Variants in CRYGN observed in about 807,000 individuals in gnomAD.
CRYGN encodes the protein crystallin gamma N.
A neutral mutation model predicts 19.2 loss-of-function variants in CRYGN; 17 were observed. The observed-to-expected ratio is 0.89, with a 90% CI of 0.61 to 1.33. The LOEUF (loss-of-function observed/expected upper bound fraction) is 1.33, where lower values mean the gene tolerates loss of function less well. Ranked by LOEUF, CRYGN falls within the 40% of genes most tolerant of loss-of-function variation. The pLI is 0.00. For missense variants in CRYGN, 239 were observed against 239.6 expected, an observed-to-expected ratio of 1.00 and a Z score of 0.02; for synonymous variants, 84 against 85.8, an observed-to-expected ratio of 0.98 and a Z score of 0.12.
In CRYGN at chr7:151,436,031, G is replaced by A; in HGVS notation, c.416+149C>T. 2.0e-6 allele frequency: 1 copy of A among 512,160 alleles called. No homozygotes were observed. Among genetic ancestry groups the A allele is most frequent in the Non-Finnish European group, 3.0e-6 (1 of 328,180 alleles). 31.7% of individuals were successfully genotyped at this position (512,160 alleles called of 1,614,324 possible). A position where few individuals can be genotyped will look rare whatever the true frequency, so the allele number is the denominator to read the frequency against. ...GCAGGTGAGGCAGCTGAGGAAAGGA[G>A]AGGGCCTGTGGGGCCAGGGACACGC... On this transcript the variant is annotated intron_variant, in intron 3 of 3. Transcript: ENST00000337323. This position sits in a 1 kb window ranked among gnomAD's most constrained non-coding sequence, Gnocchi z 5.1.
chr7:151,436,357 GGAGGTT>G lies in CRYGN; in HGVS notation c.271-38_271-33del. The G allele has an allele frequency of 1.4e-6, 2 of 1,446,160 alleles. No homozygotes were observed. Among genetic ancestry groups the G allele is most frequent in the Non-Finnish European group, 1.9e-6 (2 of 1,077,694 alleles). The allele number at this position is 1,446,160 out of a possible 1,614,324, so 89.6% of individuals were successfully genotyped here. A position where few individuals can be genotyped will look rare whatever the true frequency, so the allele number is the denominator to read the frequency against. Reference sequence around the variant, plus strand: ...GACCAAGCAAAAAAGAAGGAAAGAAGGAGGTTGCTGTGAATTCCCCTCTCCCAGAAA... The same window carrying G: ...GACCAAGCAAAAAAGAAGGAAAGAAGGCTGTGAATTCCCCTCTCCCAGAAA... On this transcript the variant is annotated intron_variant, in intron 2 of 3. Coordinates refer to ENST00000337323, the MANE Select transcript of CRYGN (RefSeq NM_144727.3). This position sits in a 1 kb window ranked among gnomAD's most constrained non-coding sequence, Gnocchi z 5.1.
At chr7:151,440,206 T>A, upstream of CRYGN, 1 of 824,344 alleles carries the variant, frequency 1.2e-6, no homozygotes, top group Non-Finnish European at 1.7e-6. Context: ...TGCCCTGCCC[T>A]GGAGTGGTGG....
Position 151,435,591 on chromosome 7 carries a change from C to A in CRYGN, c.416+589G>T, listed in dbSNP as rs1025445185. ...AACCCATCTGGGCCTGGGCAAAATT[C>A]CCCCAGCTACTTTCTGTCCAGGAGT... is the stretch of plus-strand genomic sequence containing the variant. On this transcript the variant is annotated intron_variant, in intron 3 of 3. Coordinates refer to ENST00000337323, the MANE Select transcript of CRYGN (RefSeq NM_144727.3). This position sits in a 1 kb window ranked among gnomAD's most constrained non-coding sequence, Gnocchi z 4.2. 7.2e-5 allele frequency among the ~76,000 whole-genome samples: 11 copies of A among 152,078 alleles called. No individual in the cohort carries two copies. Among genetic ancestry groups the A allele is most frequent in the Admixed American group, 6.5e-4 (10 of 15,272 alleles).
rs1247088605 is a variant in CRYGN at position 151,436,318 on chromosome 7, T to C, written c.278A>G (p.Glu93Gly). The C allele has an allele frequency of 2.5e-6, 4 of 1,570,756 alleles. No homozygotes were observed. In the African/African-American group the frequency reaches 5.5e-5, roughly 21 times the overall value. Reference protein sequence around the residue: ...GSCRPVGMHGEHFRLEIFEGC... With the variant: ...GSCRPVGMHGGHFRLEIFEGC... Reference sequence around the variant, plus strand: ...CTCGAAGATTTCTAGGCGGAAATGTTCTCCGTGCTCCAAGACCAAGCAAAA... The same window carrying C: ...CTCGAAGATTTCTAGGCGGAAATGTCCTCCGTGCTCCAAGACCAAGCAAAA... The change falls in exon 3 of 4, where the codon GAA becomes GGA. Residue 93 changes from glutamate to glycine, a missense_variant. Glu to Gly is a moderately conservative substitution (Grantham distance 98). Transcript: ENST00000337323. The surrounding 1 kb of genome is among the most constrained non-coding windows in gnomAD (Gnocchi z 5.1).
chr7:151,429,855 G>A lies in CRYGN; in HGVS notation c.*193C>T, dbSNP rs1316557398. ...AAGGAGGCTGTGGGGTGGAGGGTTG[G>A]ACGGCTGTTTCAGAAGAGACAGGGC... is the stretch of plus-strand genomic sequence containing the variant. On this transcript the variant is annotated 3_prime_UTR_variant, in exon 4 of 4. Transcript: ENST00000337323. The A allele has an allele frequency of 3.3e-6, 2 of 605,502 alleles. No homozygotes were observed. The highest frequency in any genetic ancestry group is 3.7e-5 in the African/African-American group (2 of 54,110). 37.5% of individuals were successfully genotyped at this position (605,502 alleles called of 1,614,324 possible).
chr7:151,434,767 A>G (rs1162240131), intron 3 of CRYGN, among the ~76,000 whole-genome samples: 1 of 152,222 alleles, frequency 6.6e-6, no homozygotes, highest in African/African-American at 2.4e-5. Flanking sequence ...TATATAACAA[A>G]GCCATTTCTC....
At chr7:151,432,046 C>T (rs1388434872) in intron 3 of CRYGN, 1 of 480,674 alleles carries the variant, frequency 2.1e-6, no homozygotes, top group Admixed American at 4.4e-5. Flanking sequence ...CGCCCGTTGG[C>T]TTTGAGGACT....
chr7:151,439,884 G>T lies in CRYGN; in HGVS notation c.21+13C>A. ...CCCCACTCGGTTTCCTTGGGGTTGA[G>T]GGACGCACTCACCTTCCCCGAGCGC... On this transcript the variant is annotated intron_variant, in intron 1 of 3. Transcript: ENST00000337323. 6.4e-7 allele frequency: 1 copy of T among 1,557,030 alleles called. No individual in the cohort carries two copies. Among genetic ancestry groups the T allele is most frequent in the Non-Finnish European group, 8.7e-7 (1 of 1,152,278 alleles).
chr7:151,436,059 C>T lies in CRYGN; in HGVS notation c.416+121G>A. 2 of 682,314 alleles carry T rather than the reference C, an allele frequency of 2.9e-6. No individual in the cohort carries two copies. The highest frequency in any genetic ancestry group is 4.2e-6 in the Non-Finnish European group (2 of 477,562). The allele number at this position is 682,314 out of a possible 1,614,324, so 42.3% of individuals were successfully genotyped here. A position where few individuals can be genotyped will look rare whatever the true frequency, so the allele number is the denominator to read the frequency against. The stretch of plus-strand genomic sequence containing the variant: ...GGCCTGTGGGGCCAGGGACACGCTG[C>T]CCACTGCTGGAGGTCTCATTCCCAC... On this transcript the variant is annotated intron_variant, in intron 3 of 3. Coordinates refer to ENST00000337323, the MANE Select transcript of CRYGN (RefSeq NM_144727.3). This position sits in a 1 kb window ranked among gnomAD's most constrained non-coding sequence, Gnocchi z 5.1.
chr7:151,439,994 AGATTTGCTGGGCC>A lies in CRYGN; in HGVS notation c.-90_-78del. The A allele has an allele frequency of 7.0e-7, 1 of 1,436,056 alleles. No individual in the cohort carries two copies. The highest frequency in any genetic ancestry group is 9.2e-7 in the Non-Finnish European group (1 of 1,091,072). 89.0% of individuals were successfully genotyped at this position (1,436,056 alleles called of 1,614,324 possible). A position where few individuals can be genotyped will look rare whatever the true frequency, so the allele number is the denominator to read the frequency against. On this transcript the variant is annotated 5_prime_UTR_variant, in exon 1 of 4. Coordinates refer to ENST00000337323, the MANE Select transcript of CRYGN (RefSeq NM_144727.3). ...CTGGCTCAGCGCCGCCCCGGACAAA[AGATTTGCTGGGCC>A]GGCCCCGGAGCGTTAGTGCTGTCGG... is the stretch of plus-strand genomic sequence containing the variant.
chr7:151,434,519 C>T (rs1801550501), intron 3 of CRYGN, among the ~76,000 whole-genome samples: 1 of 152,176 alleles, frequency 6.6e-6, no homozygotes, highest in Non-Finnish European at 1.5e-5. Context: ...GTGACAGAAA[C>T]AGCAGGAAGG....
Position 151,431,506 on chromosome 7 carries a change from G to A in CRYGN, c.417-1326C>T, listed in dbSNP as rs758711460. Among the ~76,000 whole-genome samples, 8 of 152,140 alleles carry A rather than the reference G, an allele frequency of 5.3e-5. No homozygotes were observed. The highest frequency in any genetic ancestry group is 7.4e-5 in the Non-Finnish European group (5 of 68,000). ...GCACCAGCTGAAGACGCGAGCCGCC[G>A]GTTCTGGGTCTGCCAGCCCTACTGC... On this transcript the variant is annotated intron_variant, in intron 3 of 3. Coordinates refer to ENST00000337323, the MANE Select transcript of CRYGN (RefSeq NM_144727.3). The surrounding 1 kb of genome is among the most constrained non-coding windows in gnomAD (Gnocchi z 4.8).
chr7:151,434,022 G>A (rs1312254554), intron 3 of CRYGN, among the ~76,000 whole-genome samples: 1 of 152,134 alleles, frequency 6.6e-6, no homozygotes, highest in Admixed American at 6.5e-5. Context: ...TTGGCAGTGG[G>A]AGGTGGTGGA....
rs1478165682 is a variant in CRYGN at position 151,435,401 on chromosome 7, GATA to G, written c.416+776_416+778del. Among the ~76,000 whole-genome samples the G allele has an allele frequency of 6.6e-6, 1 of 152,166 alleles. No individual in the cohort carries two copies. Among genetic ancestry groups the G allele is most frequent in the Non-Finnish European group, 1.5e-5 (1 of 68,040 alleles). On this transcript the variant is annotated intron_variant, in intron 3 of 3. Coordinates refer to ENST00000337323, the MANE Select transcript of CRYGN (RefSeq NM_144727.3). The surrounding 1 kb of genome is among the most constrained non-coding windows in gnomAD (Gnocchi z 4.2). ...AGCTTGCCCTTTGTAGAACGGGGGC[GATA>G]ATATCTACCTGACCTAGAGGTGTGG...
At chr7:151,439,555 C>T (rs943225048) in intron 1 of CRYGN, among the ~76,000 whole-genome samples, 7 of 152,166 alleles carry the variant, frequency 4.6e-5, no homozygotes, top group Non-Finnish European at 1.0e-4. Context: ...TAGAGGCCAG[C>T]CTTGGGCAAA....
chr7:151,432,338 C>G, intron 3 of CRYGN: 1 of 1,075,074 alleles, frequency 9.3e-7, no homozygotes, highest in Non-Finnish European at 1.2e-6. Flanking sequence ...CCCCGGGACT[C>G]CGGAGAGAAA....
In CRYGN at chr7:151,438,165, C is replaced by T. The variant is rs577210587; in HGVS notation, c.101G>A (p.Gly34Asp). The T allele has an allele frequency of 2.5e-6, 4 of 1,614,196 alleles. No individual in the cohort carries two copies. The South Asian group carries it at 3.3e-5, about 13-fold the overall frequency. ...FGDCDNFQDR[G>D]FMNRVNSIHV... The stretch of plus-strand genomic sequence containing the variant: ...GATGGAGTTCACTCGGTTCATAAAG[C>T]CCCGGTCCTGGAAGTTGTCACAGTC... Residue 34 changes from glycine to aspartate, a missense_variant, in exon 2 of 4, where the codon GGC becomes GAC. Transcript: ENST00000337323.
In CRYGN at chr7:151,435,669, A is replaced by G. The variant is rs909242379; in HGVS notation, c.416+511T>C. On this transcript the variant is annotated intron_variant, in intron 3 of 3. Transcript: ENST00000337323. This position sits in a 1 kb window ranked among gnomAD's most constrained non-coding sequence, Gnocchi z 4.2. Reference sequence around the variant, plus strand: ...AGAGGCCAGGGTGGTGGGGGTTTGCAGAGAGGCCCGGTTCAGGGGTCAGCT... The same window carrying G: ...AGAGGCCAGGGTGGTGGGGGTTTGCGGAGAGGCCCGGTTCAGGGGTCAGCT... Among the ~76,000 whole-genome samples, 2 of 150,116 alleles carry G rather than the reference A, an allele frequency of 1.3e-5. No homozygotes were observed. Among genetic ancestry groups the G allele is most frequent in the Admixed American group, 1.3e-4 (2 of 15,148 alleles).
rs1176584466 is a variant in CRYGN at position 151,429,214 on chromosome 7, C to T, written c.*834G>A. Reference sequence around the variant, plus strand: ...CACACAGCAGTGGCTTCTCCAATGTCACATCCTAGTGAGGGATGGAGTGGG... The same window carrying T: ...CACACAGCAGTGGCTTCTCCAATGTTACATCCTAGTGAGGGATGGAGTGGG... On this transcript the variant is annotated 3_prime_UTR_variant, in exon 4 of 4. Transcript: ENST00000337323. 6.6e-6 allele frequency: 1 copy of T among 152,314 alleles called. No individual in the cohort carries two copies. The highest frequency in any genetic ancestry group is 2.4e-5 in the African/African-American group (1 of 41,436). 9.4% of individuals were successfully genotyped at this position (152,314 alleles called of 1,614,324 possible). A position where few individuals can be genotyped will look rare whatever the true frequency, so the allele number is the denominator to read the frequency against.
Sources: gnomAD v4.1 joint callset for allele counts (sites outside exome capture counted in the v4.1 genomes callset) on GRCh38, gnomAD v4.1.1 for gene constraint, Gnocchi (gnomAD v3.1) non-coding constraint, MANE v1.5 for transcripts, NCBI Gene and HGNC (gene_info 2026-07-23, HGNC 2026-07-21) for gene names.